The following NRG1 variants were observed in gnomAD, a reference collection of about 807,000 sequenced individuals.
NRG1 encodes pro-neuregulin-1, membrane-bound isoform.
A neutral mutation model predicts 63.8 loss-of-function variants in NRG1; 18 were observed. That is an observed-to-expected ratio of 0.28 (90% CI 0.19 to 0.42). The LOEUF is 0.42. Among genes scored for constraint, NRG1 ranks in the 10% least tolerant of loss-of-function variants. The pLI, the probability that NRG1 is intolerant of heterozygous loss-of-function variation, is 1.00. For synonymous variants in NRG1, 302 were observed against 301.3 expected (o/e 1.00, Z -0.02); for missense variants, 762 against 814.7 (o/e 0.94, Z 0.79).
chr8:32,134,285 A>G (rs1304523880), intron 1 of NRG1, among the ~76,000 whole-genome samples: 1 of 152,140 alleles, frequency 6.6e-6, no homozygotes, highest in Non-Finnish European at 1.5e-5. Context: ...ATTGCTTATT[A>G]AGTAGATAGG....
intron 1 of NRG1, among the ~76,000 whole-genome samples, chr8:32,499,890 T>C (rs187059668): frequency 7.6e-4 from 116 of 152,182 alleles, no homozygotes; most frequent in African/African-American, 2.7e-3. Flanking sequence ...AAAAGGGCAA[T>C]TGTGGTTCTC....
intron 1 of NRG1, among the ~76,000 whole-genome samples, chr8:31,880,602 T>C (rs796082076): frequency 9.8e-5 from 15 of 152,312 alleles, no homozygotes; most frequent in African/African-American, 3.6e-4. Context: ...GAACCTTCAA[T>C]AAAACAGACT....
At chr8:31,718,651 T>C (rs1187249048) in intron 1 of NRG1, among the ~76,000 whole-genome samples, 2 of 152,240 alleles carry the variant, frequency 1.3e-5, no homozygotes, top group African/African-American at 4.8e-5. Context: ...GATCACTTTA[T>C]ATACAGAGAT....
intron 5 of NRG1, among the ~76,000 whole-genome samples, chr8:32,705,420 C>G (rs567786850): frequency 6.6e-6 from 1 of 152,142 alleles, no homozygotes; most frequent in Admixed American, 6.5e-5. Flanking sequence ...CGTGAGCCAC[C>G]GCGCCCGGCC....
rs537341186 is a variant in NRG1 at position 31,995,489 on chromosome 8, TTG to T, written c.37+356061_37+356062del. ...AATAGGCTGTTTTCCTGGGATACCC[TTG>T]TGGCTTGTTAGAACACCCGGAGTCA... On this transcript the variant is annotated intron_variant, in intron 1 of 10. Transcript: ENST00000519301. Among the ~76,000 whole-genome samples the T allele has an allele frequency of 5.5e-4, 83 of 152,098 alleles. 1 individual carries two copies. Among genetic ancestry groups the T allele is most frequent in the Non-Finnish European group, 1.6e-4 (11 of 67,944 alleles).
chr8:32,192,624 A>G (rs563409519), intron 1 of NRG1, among the ~76,000 whole-genome samples: 2 of 152,226 alleles, frequency 1.3e-5, no homozygotes, highest in East Asian at 3.9e-4. Flanking sequence ...AAAGCTAACT[A>G]TTGGGTACCA....
chr8:31,953,324 C>T (rs1803795122), intron 1 of NRG1, among the ~76,000 whole-genome samples: 1 of 151,972 alleles, frequency 6.6e-6, no homozygotes, highest in African/African-American at 2.4e-5. Context: ...AAAATGTTAC[C>T]ATCTGAGTAT....
intron 5 of NRG1, among the ~76,000 whole-genome samples, chr8:32,632,941 G>A (rs1850606236): frequency 6.6e-6 from 1 of 152,074 alleles, no homozygotes; most frequent in African/African-American, 2.4e-5. Flanking sequence ...TTATTTCTTT[G>A]ATTCCTGTAG....
At chr8:31,924,857 CA>C (rs1834209615) in intron 1 of NRG1, among the ~76,000 whole-genome samples, 1 of 150,396 alleles carries the variant, frequency 6.6e-6, no homozygotes, top group South Asian at 2.1e-4. Context: ...TTCTTTAATC[CA>C]GGGGTTATTT....
At chr8:32,037,470 C>G (rs1281820501) in intron 1 of NRG1, among the ~76,000 whole-genome samples, 1 of 152,214 alleles carries the variant, frequency 6.6e-6, no homozygotes, top group Non-Finnish European at 1.5e-5. Context: ...GTGTCCTGCA[C>G]TCAGGAGAAT....
At chr8:32,729,168 C>A (rs1823017097) in intron 6 of NRG1, among the ~76,000 whole-genome samples, 1 of 152,118 alleles carries the variant, frequency 6.6e-6, no homozygotes, top group Non-Finnish European at 1.5e-5. Context: ...AATATTTAAA[C>A]CTTGTAGTAA....
chr8:31,957,173 C>T (rs1305052014), intron 1 of NRG1, among the ~76,000 whole-genome samples: 1 of 144,124 alleles, frequency 6.9e-6, no homozygotes, highest in African/African-American at 2.6e-5. Flanking sequence ...TTTGCACTGG[C>T]CAATTCAAAT....
At position 32,511,103 on chromosome 8, in the gene NRG1, T is replaced by G. The variant is rs554003708; in HGVS notation, c.38-84725T>G. ...TAGGGGCTTTGAGAAAATGAGGGTA[T>G]GTTTTTAAAGTATTTTAATAGTGGA... is the stretch of plus-strand genomic sequence containing the variant. On this transcript the variant is annotated intron_variant, in intron 1 of 10. Transcript: ENST00000519301. Among the ~76,000 whole-genome samples the G allele has an allele frequency of 5.9e-5, 9 of 151,418 alleles. No homozygotes were observed. The South Asian group carries it at 1.2e-3, about 21-fold the overall frequency.
chr8:32,009,207 G>A (rs1403043854), intron 1 of NRG1, among the ~76,000 whole-genome samples: 1 of 152,052 alleles, frequency 6.6e-6, no homozygotes, highest in Non-Finnish European at 1.5e-5. Context: ...GAACTTGATA[G>A]GAACCACAGT....
intron 1 of NRG1, among the ~76,000 whole-genome samples, chr8:32,092,461 C>CAAAAAA (rs71208167): frequency 1.2e-4 from 10 of 83,368 alleles, no homozygotes; most frequent in South Asian, 4.7e-4. Context: ...GACCCTGTCT[C>CAAAAAA]AAAAAAAAAA....
chr8:32,556,814 A>T (rs17719705), intron 1 of NRG1, among the ~76,000 whole-genome samples: 58,895 of 152,038 alleles, frequency 0.39, 12,586 homozygotes, highest in Admixed American at 0.48. Context: ...AGAGACTTAC[A>T]TTGCATTTTT....
At chr8:31,852,148 G>T (rs1827302776) in intron 1 of NRG1, among the ~76,000 whole-genome samples, 1 of 152,002 alleles carries the variant, frequency 6.6e-6, no homozygotes, top group African/African-American at 2.4e-5. Flanking sequence ...TGGGTCAAAT[G>T]GTATTTCTAG....
chr8:32,579,195 C>CTTTTTTTTTTTTTTTTTTT (rs71208196), intron 1 of NRG1, among the ~76,000 whole-genome samples: 2 of 105,440 alleles, frequency 1.9e-5, no homozygotes, highest in Non-Finnish European at 1.9e-5. Flanking sequence ...TTTCTTCTGT[C>CTTTTTTTTTTTTTTTTTTT]TTTTTTTTTT....
chr8:32,662,886 A>G (rs551859043), intron 5 of NRG1, among the ~76,000 whole-genome samples: 1 of 152,296 alleles, frequency 6.6e-6, no homozygotes, highest in African/African-American at 2.4e-5. Flanking sequence ...CAAAATTAGA[A>G]CTGTGGACAT....
Sources: gnomAD v4.1 joint callset for allele counts (sites outside exome capture counted in the v4.1 genomes callset) on GRCh38, gnomAD v4.1.1 for gene constraint, MANE v1.5 for transcripts, NCBI Gene and HGNC (gene_info 2026-07-23, HGNC 2026-07-21) for gene names.